The following THSD4 variants were observed in gnomAD, a reference collection of about 807,000 sequenced individuals.
THSD4 encodes the protein thrombospondin type 1 domain containing 4.
A neutral mutation model predicts 119.0 loss-of-function variants in THSD4; 69 were observed. The observed-to-expected ratio is 0.58, with a 90% confidence interval of 0.48 to 0.71. The LOEUF (loss-of-function observed/expected upper bound fraction) is 0.71, where lower values mean the gene tolerates loss of function less well. Among genes scored for constraint, THSD4 ranks in the 30% least tolerant of loss-of-function variants. THSD4 has a pLI of 0.00. For synonymous variants in THSD4, 524 were observed against 540.4 expected, an observed-to-expected ratio of 0.97 and a Z score of 0.42; for missense variants, 1,393 against 1,391.1, an observed-to-expected ratio of 1.00 and a Z score of -0.02.
intron 6 of THSD4, among the ~76,000 whole-genome samples, chr15:71,330,383 C>A (rs1368992256): frequency 6.6e-6 from 1 of 152,168 alleles, no homozygotes; most frequent in Non-Finnish European, 1.5e-5. Context: ...ACACGCAGCA[C>A]ACGGTAGGTA....
chr15:71,350,486 C>G (rs1202486200), intron 6 of THSD4, among the ~76,000 whole-genome samples: 1 of 152,022 alleles, frequency 6.6e-6, no homozygotes, highest in East Asian at 1.9e-4. Context: ...TAAGTGACCT[C>G]CCCTCTGGCT....
chr15:71,385,287 A>G (rs962458873), intron 6 of THSD4, among the ~76,000 whole-genome samples: 4 of 152,230 alleles, frequency 2.6e-5, no homozygotes, highest in Non-Finnish European at 5.9e-5. Context: ...AGCAGTGAGC[A>G]CTTTGGGCTC....
chr15:71,547,384 T>C (rs994254540), intron 7 of THSD4: 194 of 1,550,100 alleles, frequency 1.3e-4, no homozygotes, highest in Non-Finnish European at 1.7e-4. Context: ...AGTTCTCCTC[T>C]AGGGTAGTTC....
At chr15:71,341,034 T>C in intron 6 of THSD4, 1 of 702,472 alleles carries the variant, frequency 1.4e-6, no homozygotes. Context: ...GTGTCTTGCA[T>C]TTCCTCTCTC....
chr15:71,478,330 T>C (rs2047680421), intron 7 of THSD4, among the ~76,000 whole-genome samples: 1 of 152,220 alleles, frequency 6.6e-6, no homozygotes, highest in African/African-American at 2.4e-5. Flanking sequence ...ATTTATTTTA[T>C]TTGGTATTAT....
chr15:71,707,156 G>A (rs541143629), intron 8 of THSD4, among the ~76,000 whole-genome samples: 3 of 152,110 alleles, frequency 2.0e-5, no homozygotes, highest in Non-Finnish European at 4.4e-5. Flanking sequence ...CACGCAGCAC[G>A]AAAACCACAA....
intron 7 of THSD4, among the ~76,000 whole-genome samples, chr15:71,485,799 G>A (rs547421683): frequency 3.9e-4 from 60 of 152,186 alleles, no homozygotes; most frequent in African/African-American, 1.4e-3. Context: ...AAAATTAGTG[G>A]CCGTGTATAT....
At position 71,586,564 on chromosome 15, in the gene THSD4, G is replaced by A. The variant is rs190930640; in HGVS notation, c.1153-73966G>A. Among the ~76,000 whole-genome samples, 58 of 152,088 alleles carry A rather than the reference G, an allele frequency of 3.8e-4. 1 individual carries two copies. Among genetic ancestry groups the A allele is most frequent in the Non-Finnish European group, 6.8e-4 (46 of 68,018 alleles). On this transcript the variant is annotated intron_variant, in intron 7 of 17. Coordinates refer to ENST00000261862, the MANE Select transcript of THSD4 (RefSeq NM_024817.3). ...CATTCCTTGTCACATAGCTCCCTTTGTCTTCAATCAGAAACAGCATGCTAA... is the reference window on the plus strand; with the variant it reads ...CATTCCTTGTCACATAGCTCCCTTTATCTTCAATCAGAAACAGCATGCTAA...
intron 6 of THSD4, among the ~76,000 whole-genome samples, chr15:71,377,077 G>T (rs183148544): frequency 2.5e-4 from 38 of 152,324 alleles, no homozygotes; most frequent in African/African-American, 8.9e-4. Context: ...GGAAAGAAAT[G>T]GACGTGAGAA....
chr15:71,198,086 C>G (rs1470851258), intron 3 of THSD4, among the ~76,000 whole-genome samples: 1 of 152,128 alleles, frequency 6.6e-6, no homozygotes, highest in East Asian at 1.9e-4. Flanking sequence ...GAGACCCTGT[C>G]TCTACGAAAA....
chr15:71,505,633 AAATTTAAGT>A (rs1382112063), intron 7 of THSD4, among the ~76,000 whole-genome samples: 4 of 152,216 alleles, frequency 2.6e-5, no homozygotes, highest in Non-Finnish European at 5.9e-5. Flanking sequence ...AAAGTAGAGG[AAATTTAAGT>A]GGTTCAAGTT....
intron 7 of THSD4, among the ~76,000 whole-genome samples, chr15:71,466,058 G>T (rs1474976688): frequency 6.6e-6 from 1 of 152,042 alleles, no homozygotes; most frequent in African/African-American, 2.4e-5. Flanking sequence ...GGAATAGAAA[G>T]AGAAATAGAG....
intron 6 of THSD4, among the ~76,000 whole-genome samples, chr15:71,339,434 C>T (rs2045533884): frequency 9.2e-5 from 14 of 152,144 alleles, no homozygotes; most frequent in Admixed American, 9.2e-4. Flanking sequence ...ACAAATGTCC[C>T]ATGAAGCTGA....
intron 6 of THSD4, among the ~76,000 whole-genome samples, chr15:71,409,886 G>GTTTT (rs35006832): frequency 1.3e-5 from 2 of 148,880 alleles, no homozygotes; most frequent in Non-Finnish European, 1.5e-5. Flanking sequence ...CTCCAAAACA[G>GTTTT]TTTTTTTTTT....
At chr15:71,488,012 T>G (rs1310096405) in intron 7 of THSD4, among the ~76,000 whole-genome samples, 2 of 152,180 alleles carry the variant, frequency 1.3e-5, no homozygotes, top group Admixed American at 6.5e-5. Flanking sequence ...TTCTTTTTTC[T>G]TATTCAGTTA....
chr15:71,272,830 C>T (rs1264656634), intron 6 of THSD4, among the ~76,000 whole-genome samples: 1 of 151,872 alleles, frequency 6.6e-6, no homozygotes, highest in Non-Finnish European at 1.5e-5. Context: ...TGCCATTGCA[C>T]TCCAGCCTGG....
intron 7 of THSD4, among the ~76,000 whole-genome samples, chr15:71,627,839 G>T (rs1387343313): frequency 1.3e-5 from 2 of 152,164 alleles, no homozygotes; most frequent in African/African-American, 4.8e-5. Context: ...CATCTCCTGG[G>T]TCAAGGCAGA....
chr15:71,423,297 A>G (rs1481816314), intron 7 of THSD4, among the ~76,000 whole-genome samples: 1 of 152,196 alleles, frequency 6.6e-6, no homozygotes, highest in Non-Finnish European at 1.5e-5. Flanking sequence ...GAGTGCGCTC[A>G]GTCACAGCTT....
chr15:71,476,978 G>T (rs941263990), intron 7 of THSD4, among the ~76,000 whole-genome samples: 3 of 152,200 alleles, frequency 2.0e-5, no homozygotes, highest in Admixed American at 6.5e-5. Flanking sequence ...CCATCCTGGG[G>T]CAGGGAGAAC....
Sources: allele counts gnomAD v4.1 joint callset (sites outside exome capture counted in the v4.1 genomes callset), GRCh38; gene constraint gnomAD v4.1.1; transcripts MANE v1.5; gene names NCBI Gene and HGNC (gene_info 2026-07-23, HGNC 2026-07-21).